NCBP1: variants seen among roughly 807,000 people sequenced by gnomAD.
The protein encoded by NCBP1 is nuclear cap binding protein subunit 1.
In NCBP1, 16 loss-of-function variants were observed where a neutral mutation model predicts 111.7. The observed-to-expected ratio is 0.14, with a 90% CI of 0.10 to 0.22. NCBP1 has a LOEUF of 0.22. Ranked by LOEUF, NCBP1 falls within the 10% of genes least tolerant of loss-of-function variation. The pLI is 1.00. For missense variants in NCBP1, 607 were observed against 957.5 expected (o/e 0.63, Z 4.83); for synonymous variants, 304 against 314.3 (o/e 0.97, Z 0.35).
At chr9:97,634,021 G>A (rs1826915088) in intron 1 of NCBP1, 106 bp downstream of exon 1, 2 of 1,322,102 alleles carry the variant, frequency 1.5e-6, no homozygotes, top group Non-Finnish European at 2.0e-6. Context: ...CCCCGGGAAC[G>A]TGCGGGGAGC....
intron 4 of NCBP1, among the ~76,000 whole-genome samples, chr9:97,643,736 A>G (rs1436743216): frequency 6.6e-6 from 1 of 152,086 alleles, no homozygotes; most frequent in African/African-American, 2.4e-5. Flanking sequence ...CTCTCGTACC[A>G]TAGGTGTTCC....
At position 97,645,184 on chromosome 9, in the gene NCBP1, A is replaced by G; in HGVS notation, c.449A>G (p.Glu150Gly). 2 of 1,613,522 alleles carry G rather than the reference A, an allele frequency of 1.2e-6. No homozygotes were observed. Among genetic ancestry groups the G allele is most frequent in the Non-Finnish European group, 1.7e-6 (2 of 1,179,580 alleles). The change falls in exon 5 of 23, where the codon GAA becomes GGA. Residue 150 changes from glutamate (E) to glycine (G), a missense_variant. Around this residue, in one of 9 missense-constraint regions of NCBP1, gnomAD observed 185 missense variants for 272.0 expected, o/e 0.68. Coordinates refer to ENST00000375147, the MANE Select transcript of NCBP1 (RefSeq NM_002486.5). ...IAAPSMVAMF[E>G]NFVSVTQEED... Reference sequence around the variant, plus strand: ...GCCCCATCAATGGTTGCTATGTTTGAAAATTTTGTAAGCGTAACTCAGGAA... The same window carrying G: ...GCCCCATCAATGGTTGCTATGTTTGGAAATTTTGTAAGCGTAACTCAGGAA...
intron 12 of NCBP1, 27 bp from the exon 13 acceptor site, chr9:97,655,675 C>T: frequency 6.4e-7 from 1 of 1,571,222 alleles, no homozygotes; most frequent in Non-Finnish European, 8.7e-7. Context: ...TCCTTTTTCT[C>T]TGCCTACCTC....
rs1828191596 is a variant in NCBP1 at position 97,671,467 on chromosome 9, T to G, written c.*268T>G. The G allele has an allele frequency of 5.8e-6, 2 of 342,688 alleles. No homozygotes were observed. Among genetic ancestry groups the G allele is most frequent in the Non-Finnish European group, 1.1e-5 (2 of 186,400 alleles). 21.2% of individuals were successfully genotyped at this position (342,688 alleles called of 1,614,324 possible). On this transcript the variant is annotated 3_prime_UTR_variant, in exon 23 of 23. Transcript: ENST00000375147. ...TGTGATCAGTTTGTTATTTTTTTTC[T>G]CCTTAAGGCACAAAATAATTGGTTT...
chr9:97,650,785 T>C (rs139832659), intron 9 of NCBP1, among the ~76,000 whole-genome samples, 185 bp downstream of exon 9: 4 of 152,308 alleles, frequency 2.6e-5, no homozygotes, highest in East Asian at 1.9e-4. Context: ...TATAGTACTT[T>C]TCGAGGTGCT....
At chr9:97,640,692 CAT>C in intron 1 of NCBP1, 100 bp from the exon 2 acceptor site, 1 of 884,884 alleles carries the variant, frequency 1.1e-6, no homozygotes, top group Non-Finnish European at 1.7e-6. Context: ...TCTGTAAAAA[CAT>C]AGGGCCTGGT....
Position 97,671,310 on chromosome 9 carries a change from G to A in NCBP1, c.*111G>A. ...TTGTAGTATCCTTTCACTTCTTAAA[G>A]GAAACAAAGGGGAAGAGGACAGTGA... On this transcript the variant is annotated 3_prime_UTR_variant, in exon 23 of 23. Coordinates refer to ENST00000375147, the MANE Select transcript of NCBP1 (RefSeq NM_002486.5). 2.7e-6 allele frequency: 2 copies of A among 752,380 alleles called. No individual in the cohort carries two copies. The highest frequency in any genetic ancestry group is 4.3e-6 in the Non-Finnish European group (2 of 466,122). 46.6% of individuals were successfully genotyped at this position (752,380 alleles called of 1,614,324 possible).
At chr9:97,660,327 C>T (rs900782704) in intron 15 of NCBP1, among the ~76,000 whole-genome samples, 14 of 152,246 alleles carry the variant, frequency 9.2e-5, no homozygotes, top group South Asian at 2.1e-4. Flanking sequence ...TGATGCCTTA[C>T]GGTGTATATT....
At chr9:97,654,027 G>T (rs1476238697) in intron 11 of NCBP1, 119 bp downstream of exon 11, 35 of 741,998 alleles carry the variant, frequency 4.7e-5, no homozygotes, top group Middle Eastern at 2.5e-4. Flanking sequence ...GAAGTGTGTT[G>T]TGTGTGTGTA....
At chr9:97,647,362 G>A (rs1219255850) in intron 6 of NCBP1, 130 bp from the exon 7 acceptor site, 1 of 644,306 alleles carries the variant, frequency 1.6e-6, no homozygotes, top group African/African-American at 1.8e-5. Context: ...TATCAAAACA[G>A]TTGATATCTG....
At chr9:97,643,059 A>G (rs143882006) in intron 3 of NCBP1, 145 bp from the exon 4 acceptor site, 13 of 729,594 alleles carry the variant, frequency 1.8e-5, no homozygotes, top group East Asian at 6.4e-5. Flanking sequence ...TCTCAATGAC[A>G]TGCTTTTTCT....
At chr9:97,664,505 A>T in intron 19 of NCBP1, 62 bp downstream of exon 19, 1 of 1,115,916 alleles carries the variant, frequency 9.0e-7, no homozygotes, top group Non-Finnish European at 1.3e-6. Flanking sequence ...GTGGTCTCTT[A>T]TACATAAGCT....
intron 10 of NCBP1, among the ~76,000 whole-genome samples, chr9:97,652,161 G>A (rs567857742): frequency 6.6e-6 from 1 of 152,174 alleles, no homozygotes. Context: ...ACACCACCAC[G>A]CCCGGCTAAT....
intron 1 of NCBP1, chr9:97,634,634 A>G (rs1438716480): frequency 6.6e-6 from 1 of 152,252 alleles, no homozygotes; most frequent in Admixed American, 6.5e-5. Flanking sequence ...GAATAATTCT[A>G]GTTTTAACAA....
intron 12 of NCBP1, 42 bp from the exon 13 acceptor site, chr9:97,655,660 A>G: frequency 6.6e-7 from 1 of 1,513,390 alleles, no homozygotes; most frequent in Non-Finnish European, 9.1e-7. Context: ...AATCCCAGTT[A>G]TTCTTCCTTT....
At chr9:97,655,608 C>T (rs1167893417) in intron 12 of NCBP1, 94 bp from the exon 13 acceptor site, 6 of 930,222 alleles carry the variant, frequency 6.5e-6, no homozygotes, top group South Asian at 1.8e-5. Context: ...TCTGTAAAGT[C>T]GGGTTTTATC....
chr9:97,655,622 T>G, intron 12 of NCBP1, 80 bp from the exon 13 acceptor site: 1 of 1,191,608 alleles, frequency 8.4e-7, no homozygotes, highest in Non-Finnish European at 1.2e-6. Flanking sequence ...TTTTATCTGT[T>G]TGAAGGCTTA....
chr9:97,669,018 T>C, intron 21 of NCBP1, 44 bp downstream of exon 21: 1 of 1,521,258 alleles, frequency 6.6e-7, no homozygotes, highest in South Asian at 1.2e-5. Flanking sequence ...AAACAATACA[T>C]TTCTTTAGTT....
chr9:97,636,633 A>AATACAT (rs1173669751), intron 1 of NCBP1, among the ~76,000 whole-genome samples: 4 of 90,404 alleles, frequency 4.4e-5, no homozygotes, highest in African/African-American at 8.2e-5. Context: ...TATGGAAAGT[A>AATACAT]ATACATATAT....
Sources: gnomAD v4.1 joint callset for allele counts (sites outside exome capture counted in the v4.1 genomes callset) on GRCh38, gnomAD v4.1.1 for gene constraint, gnomAD v4.1.1 regional missense constraint, MANE v1.5 for transcripts, NCBI Gene and HGNC (gene_info 2026-07-23, HGNC 2026-07-21) for gene names.